The following TMEM218 variants were observed in gnomAD, a reference collection of about 807,000 sequenced individuals.
TMEM218 encodes transmembrane protein 218.
Under a neutral mutation model 10.0 loss-of-function variants are expected in TMEM218, and 8 were observed. That is an observed-to-expected ratio of 0.80 (90% CI 0.47 to 1.44). The LOEUF is 1.44. Ranked by LOEUF, TMEM218 falls within the 40% of genes most tolerant of loss-of-function variation. The pLI is 0.00. For missense variants in TMEM218, 110 were observed against 140.1 expected, an observed-to-expected ratio of 0.79 and a Z score of 1.08; for synonymous variants, 66 against 63.5, an observed-to-expected ratio of 1.04 and a Z score of -0.18.
rs115745883 is a variant in TMEM218, at chr11:125,095,261, G to T, written c.*2345C>A. Among the ~76,000 whole-genome samples the T allele has an allele frequency of 0.018, 2,791 of 152,250 alleles. 91 individuals are homozygous for T. Among genetic ancestry groups the T allele is most frequent in the African/African-American group, 0.063 (2,615 of 41,534 alleles). Reference sequence around the variant, plus strand: ...CAGTCTGCCACAGGATCCCCTCTGGGTAGGGAACAGTAGAGGGAACATGTT... The same window carrying T: ...CAGTCTGCCACAGGATCCCCTCTGGTTAGGGAACAGTAGAGGGAACATGTT... On this transcript the variant is annotated 3_prime_UTR_variant, in exon 5 of 5. Transcript: ENST00000682305.
rs1407853404 is a variant in TMEM218, at chr11:125,096,393, T to C, written c.*1213A>G. On this transcript the variant is annotated 3_prime_UTR_variant, in exon 5 of 5. Coordinates refer to ENST00000682305, the MANE Select transcript of TMEM218 (RefSeq NM_001258244.2). ...CAGAGTTCCACAAACCCTAGTGTGT[T>C]TTCTCTCTGAGACAAGCCCTGGGGC... 1.3e-5 allele frequency among the ~76,000 whole-genome samples: 2 copies of C among 152,186 alleles called. No homozygotes were observed. The highest frequency in any genetic ancestry group is 1.3e-4 in the Admixed American group (2 of 15,284).
rs1371224992 is a variant in TMEM218 at position 125,097,125 on chromosome 11, T to G, written c.*481A>C. 1 of 152,316 alleles carries G rather than the reference T, an allele frequency of 6.6e-6. No homozygotes were observed. The highest frequency in any genetic ancestry group is 6.5e-5 in the Admixed American group (1 of 15,292). The allele number at this position is 152,316 out of a possible 1,614,324, so 9.4% of individuals were successfully genotyped here. The stretch of plus-strand genomic sequence containing the variant: ...AGAAATATATGCACAGAGTGGTCAA[T>G]GACCAACATCTGAGTAAGTCTTCCA... On this transcript the variant is annotated 3_prime_UTR_variant, in exon 5 of 5. Transcript: ENST00000682305.
intron 1 of TMEM218, among the ~76,000 whole-genome samples, chr11:125,107,434 A>G (rs1165663906): frequency 6.6e-6 from 1 of 152,196 alleles, no homozygotes; most frequent in Non-Finnish European, 1.5e-5. Flanking sequence ...AAGCATTGCA[A>G]AAACCTTTTA....
At chr11:125,101,982 T>C in intron 3 of TMEM218, 150 bp downstream of exon 3, 1 of 875,814 alleles carries the variant, frequency 1.1e-6, no homozygotes, top group Non-Finnish European at 1.7e-6. Context: ...ATAACACAGT[T>C]AGTGTTTATA....
chr11:125,102,112 A>G lies in TMEM218; in HGVS notation c.110+20T>C, dbSNP rs1950933324. 1 of 1,531,438 alleles carries G rather than the reference A, an allele frequency of 6.5e-7. No homozygotes were observed. The highest frequency in any genetic ancestry group is 8.7e-7 in the Non-Finnish European group (1 of 1,143,620). The allele number at this position is 1,531,438 out of a possible 1,614,324, so 94.9% of individuals were successfully genotyped here. A position where few individuals can be genotyped will look rare whatever the true frequency, so the allele number is the denominator to read the frequency against. Reference sequence around the variant, plus strand: ...TCTAATTGCTTTACCTAGGACTCCCAGTTGGACAGAATGCCTTACCTCGCC... The same window carrying G: ...TCTAATTGCTTTACCTAGGACTCCCGGTTGGACAGAATGCCTTACCTCGCC... On this transcript the variant is annotated intron_variant, in intron 3 of 4. Transcript: ENST00000682305.
chr11:125,102,712 C>T (rs1951102892), intron 2 of TMEM218, 22 bp downstream of exon 2: 1 of 1,290,276 alleles, frequency 7.8e-7, no homozygotes, highest in African/African-American at 1.5e-5. Context: ...AGGTTAAATC[C>T]ATGGTGTGAG....
chr11:125,102,194 G>A lies in TMEM218; in HGVS notation c.48C>T (p.Ala16=), dbSNP rs1292319700. 1.9e-6 allele frequency: 3 copies of A among 1,612,718 alleles called. No individual in the cohort carries two copies. Among genetic ancestry groups the A allele is most frequent in the Non-Finnish European group, 2.5e-6 (3 of 1,179,564 alleles). ...LGVGAGVFIL[A]LLWVAVLLLC... ...GCAGCAGCACTGCCACCCAGAGCAGGGCTAAGATGAACACGCCCGCACCGA... is the reference window on the plus strand; with the variant it reads ...GCAGCAGCACTGCCACCCAGAGCAGAGCTAAGATGAACACGCCCGCACCGA... The change falls in exon 3 of 5, where the codon GCC becomes GCT. Residue 16 remains alanine, a synonymous_variant. Transcript: ENST00000682305.
In TMEM218 at chr11:125,095,353, C is replaced by T. The variant is rs528522499; in HGVS notation, c.*2253G>A. 2.0e-5 allele frequency among the ~76,000 whole-genome samples: 3 copies of T among 152,298 alleles called. No homozygotes were observed. Among genetic ancestry groups the T allele is most frequent in the African/African-American group, 7.2e-5 (3 of 41,562 alleles). ...ACTTCTGTCTGTATTTAAGGAATGA[C>T]CTCTGAGCCCTGTCTCCAAGAAGGC... is the stretch of plus-strand genomic sequence containing the variant. On this transcript the variant is annotated 3_prime_UTR_variant, in exon 5 of 5. Coordinates refer to ENST00000682305, the MANE Select transcript of TMEM218 (RefSeq NM_001258244.2).
intron 1 of TMEM218, among the ~76,000 whole-genome samples, chr11:125,107,073 T>G (rs1952349365): frequency 1.3e-5 from 2 of 152,162 alleles, no homozygotes; most frequent in South Asian, 4.1e-4. Context: ...TTCACAAATA[T>G]TAAATGAAAA....
intron 1 of TMEM218, among the ~76,000 whole-genome samples, chr11:125,106,865 A>T (rs757463885): frequency 1.9e-4 from 29 of 152,050 alleles, no homozygotes; most frequent in African/African-American, 2.4e-5. Context: ...ACCTAAATTC[A>T]AAAAAAAGAC....
chr11:125,101,752 A>G (rs1387692148), intron 3 of TMEM218: 7 of 494,382 alleles, frequency 1.4e-5, no homozygotes, highest in Non-Finnish European at 2.5e-5. Flanking sequence ...CCTGATATAG[A>G]AAGCAGGCCC....
rs1952837007 is a variant in TMEM218 at position 125,108,537 on chromosome 11, A to C, written c.-153+3002T>G. On this transcript the variant is annotated intron_variant, in intron 1 of 4. Transcript: ENST00000682305. The surrounding 1 kb of genome is among the most constrained non-coding windows in gnomAD (Gnocchi z 5.3). ...CTAAACTTAGAATCACCATGAATGC[A>C]AAAGCTTCAAATGCAGACTATGCAG... Among the ~76,000 whole-genome samples, 2 of 152,220 alleles carry C rather than the reference A, an allele frequency of 1.3e-5. No homozygotes were observed. Among genetic ancestry groups the C allele is most frequent in the South Asian group, 4.1e-4 (2 of 4,826 alleles).
rs4245061 is a variant in TMEM218 at position 125,095,119 on chromosome 11, T to C, written c.*2487A>G. On this transcript the variant is annotated 3_prime_UTR_variant, in exon 5 of 5. Coordinates refer to ENST00000682305, the MANE Select transcript of TMEM218 (RefSeq NM_001258244.2). ...TCTCCATTGTGGGGATAGGGTGGTA[T>C]CCTCCTAATTCAGCTTTTGTCAGGA... Among the ~76,000 whole-genome samples the C allele has an allele frequency of 0.77, 116,428 of 152,104 alleles. 44,894 individuals carry two copies. Among genetic ancestry groups the C allele is most frequent in the African/African-American group, 0.87 (36,033 of 41,492 alleles).
Position 125,094,509 on chromosome 11 carries a change from C to T in TMEM218, c.*3097G>A, listed in dbSNP as rs186477489. Among the ~76,000 whole-genome samples, 23 of 152,286 alleles carry T rather than the reference C, an allele frequency of 1.5e-4. No homozygotes were observed. In the East Asian group the frequency reaches 3.9e-3, roughly 26 times the overall value. On this transcript the variant is annotated 3_prime_UTR_variant, in exon 5 of 5. Transcript: ENST00000682305. ...TAAAAATAAGGAGTTACTTGAAAGT[C>T]AAAAGTGATCTTTCAACTATTTGAG...
intron 1 of TMEM218, chr11:125,105,039 A>G (rs996912655): frequency 2.0e-4 from 30 of 152,212 alleles, no homozygotes; most frequent in Admixed American, 6.5e-4. Flanking sequence ...AAGAACTAGC[A>G]ATGAGAACAA....
At chr11:125,110,039 T>C (rs1307867310) in intron 1 of TMEM218, among the ~76,000 whole-genome samples, 1 of 152,244 alleles carries the variant, frequency 6.6e-6, no homozygotes, top group Non-Finnish European at 1.5e-5. Flanking sequence ...CTATACATTT[T>C]CTTACTAAGC....
chr11:125,103,639 T>C (rs1268983399), intron 1 of TMEM218: 1 of 152,240 alleles, frequency 6.6e-6, no homozygotes, highest in African/African-American at 2.4e-5. Flanking sequence ...TAATTAAATC[T>C]GCAAAGACCC....
At chr11:125,099,516 G>T (rs1950289662) in intron 4 of TMEM218, among the ~76,000 whole-genome samples, 1 of 152,176 alleles carries the variant, frequency 6.6e-6, no homozygotes, top group Non-Finnish European at 1.5e-5. Flanking sequence ...AAACTCATAT[G>T]ACAGACAATC....
At chr11:125,101,149 A>G in intron 4 of TMEM218, 52 bp downstream of exon 4, 1 of 1,493,334 alleles carries the variant, frequency 6.7e-7, no homozygotes, top group South Asian at 1.2e-5. Flanking sequence ...TGTGCAGACC[A>G]AGAGAAATAA....
Sources: gnomAD v4.1 joint callset for allele counts (sites outside exome capture counted in the v4.1 genomes callset) on GRCh38, gnomAD v4.1.1 for gene constraint, Gnocchi (gnomAD v3.1) non-coding constraint, MANE v1.5 for transcripts, NCBI Gene and HGNC (gene_info 2026-07-23, HGNC 2026-07-21) for gene names.